KIF6: variants seen among roughly 807,000 people sequenced by gnomAD.
The protein encoded by KIF6 is kinesin family member 6, also known as kinesin-like protein KIF6.
A neutral mutation model predicts 112.7 loss-of-function variants in KIF6; 106 were observed. The ratio of observed to expected loss-of-function variants is 0.94; its 90% CI spans 0.80 to 1.11. KIF6 has a LOEUF of 1.11. KIF6 is among the 50% of genes least tolerant of loss of function. The pLI, the probability that KIF6 is intolerant of heterozygous loss-of-function variation, is 0.00. For missense variants in KIF6, 929 were observed against 964.0 expected, an observed-to-expected ratio of 0.96 and a Z score of 0.48; for synonymous variants, 339 against 339.9, an observed-to-expected ratio of 1.00 and a Z score of 0.03.
chr6:39,683,762 G>A (rs1225764177), intron 3 of KIF6, among the ~76,000 whole-genome samples: 1 of 152,142 alleles, frequency 6.6e-6, no homozygotes, highest in Non-Finnish European at 1.5e-5. Flanking sequence ...AGGATAGTGT[G>A]TATCTGTTTG....
rs776074603 is a variant in KIF6 at position 39,639,624 on chromosome 6, C to A, written c.385G>T (p.Glu129Ter). 12 of 1,585,136 alleles carry A rather than the reference C, an allele frequency of 7.6e-6. No individual in the cohort carries two copies. The highest frequency in any genetic ancestry group is 1.0e-5 in the Non-Finnish European group (12 of 1,168,528). The change falls in exon 4 of 23, where the codon GAA becomes TAA. Residue 129 changes from glutamate to a stop codon, truncating the protein, a stop_gained. Transcript: ENST00000287152. LOFTEE classifies it high-confidence loss of function. ...IIPRTLSYIF[E>*]QLQKDSSKIY... The stretch of plus-strand genomic sequence containing the variant: ...AAGTTTCATACCTTTTGTAACTGTT[C>A]AAAAATGTATGACAGTGTCCTTGGG...
At chr6:39,687,958 G>A (rs950186737) in intron 3 of KIF6, among the ~76,000 whole-genome samples, 1 of 152,220 alleles carries the variant, frequency 6.6e-6, no homozygotes, top group African/African-American at 2.4e-5. Context: ...AAAGATGTGT[G>A]TGTGTATATA....
intron 13 of KIF6, among the ~76,000 whole-genome samples, chr6:39,528,682 G>A (rs1356978709): frequency 6.6e-6 from 1 of 152,000 alleles, no homozygotes; most frequent in Non-Finnish European, 1.5e-5. Flanking sequence ...GGTGTGACTT[G>A]GTATCTTATT....
chr6:39,577,289 C>G (rs1781025657), intron 10 of KIF6, among the ~76,000 whole-genome samples: 1 of 152,150 alleles, frequency 6.6e-6, no homozygotes, highest in Admixed American at 6.5e-5. Flanking sequence ...CTTTTATTCT[C>G]TCTCTAATTT....
rs554822102 is a variant in KIF6 at position 39,554,952 on chromosome 6, G to A, written c.1182-9264C>T. On this transcript the variant is annotated intron_variant, in intron 10 of 22. Coordinates refer to ENST00000287152, the MANE Select transcript of KIF6 (RefSeq NM_145027.6). ...CTATTCTCAGCCTCTGACTGACAGG[G>A]ACATGTCCTGTGTGGCTGAGACACA... 18 of 183,124 alleles carry A rather than the reference G, an allele frequency of 9.8e-5. No homozygotes were observed. In the South Asian group the frequency reaches 1.5e-3, roughly 15 times the overall value. 11.3% of individuals were successfully genotyped at this position (183,124 alleles called of 1,614,324 possible). A position where few individuals can be genotyped will look rare whatever the true frequency, so the allele number is the denominator to read the frequency against.
chr6:39,598,635 G>A (rs771722976), intron 6 of KIF6, among the ~76,000 whole-genome samples: 20 of 151,324 alleles, frequency 1.3e-4, no homozygotes, highest in East Asian at 5.8e-4. Context: ...CTATATATGC[G>A]CAATATGCGA....
intron 10 of KIF6, among the ~76,000 whole-genome samples, chr6:39,571,433 C>T (rs1780632031): frequency 6.6e-6 from 1 of 152,198 alleles, no homozygotes; most frequent in Admixed American, 6.5e-5. Context: ...AGCTGCAACT[C>T]CTGTTTTATT....
chr6:39,567,639 G>A (rs900718898), intron 10 of KIF6, among the ~76,000 whole-genome samples: 10 of 146,798 alleles, frequency 6.8e-5, no homozygotes, highest in African/African-American at 2.3e-4. Context: ...ACGGAGTCTC[G>A]CTCTGTCGCC....
intron 13 of KIF6, among the ~76,000 whole-genome samples, chr6:39,537,321 T>C (rs1045970863): frequency 3.3e-5 from 5 of 152,080 alleles, no homozygotes; most frequent in East Asian, 1.9e-4. Context: ...AAAACCCCAT[T>C]GTCTCAGCCC....
chr6:39,372,979 C>G (rs1766137686), intron 16 of KIF6, among the ~76,000 whole-genome samples: 1 of 152,206 alleles, frequency 6.6e-6, no homozygotes, highest in South Asian at 2.1e-4. Flanking sequence ...TGCAACAGAA[C>G]TGTTCCTAGG....
chr6:39,426,218 G>A (rs1770753790), intron 14 of KIF6, among the ~76,000 whole-genome samples: 1 of 152,180 alleles, frequency 6.6e-6, no homozygotes, highest in Non-Finnish European at 1.5e-5. Flanking sequence ...AGTCATGCCT[G>A]GAAAATGTGA....
intron 16 of KIF6, 27 bp downstream of exon 16, chr6:39,385,595 C>T (rs769990439): frequency 6.3e-7 from 1 of 1,592,408 alleles, no homozygotes; most frequent in South Asian, 1.1e-5. Flanking sequence ...CCTTCATCCT[C>T]TTCCTGCAGA....
At chr6:39,362,060 C>T (rs1342529419) in intron 17 of KIF6, among the ~76,000 whole-genome samples, 3 of 152,132 alleles carry the variant, frequency 2.0e-5, no homozygotes, top group African/African-American at 7.2e-5. Flanking sequence ...TAAGTGAAGT[C>T]GTTTGGAGAC....
rs1198518610 is a variant in KIF6 at position 39,334,834 on chromosome 6, C to T, written c.*1698G>A. The T allele has an allele frequency of 2.0e-5, 3 of 152,054 alleles. No individual in the cohort carries two copies. Among genetic ancestry groups the T allele is most frequent in the African/African-American group, 7.3e-5 (3 of 41,356 alleles). The allele number at this position is 152,054 out of a possible 1,614,324, so 9.4% of individuals were successfully genotyped here. A position where few individuals can be genotyped will look rare whatever the true frequency, so the allele number is the denominator to read the frequency against. ...TGTGTTCCATGGACTCTTGGGGAGG[C>T]TTCTAGAATCAGAATTTGGTCTTCC... On this transcript the variant is annotated 3_prime_UTR_variant, in exon 23 of 23. Transcript: ENST00000287152.
chr6:39,379,406 A>G (rs937712422), intron 16 of KIF6, among the ~76,000 whole-genome samples: 8 of 152,224 alleles, frequency 5.3e-5, no homozygotes, highest in African/African-American at 1.2e-4. Context: ...GACTTGGCCT[A>G]TTTATTGCTT....
At chr6:39,652,680 T>C (rs572946132) in intron 3 of KIF6, among the ~76,000 whole-genome samples, 1 of 152,322 alleles carries the variant, frequency 6.6e-6, no homozygotes, top group South Asian at 2.1e-4. Context: ...TTTAGACATA[T>C]TCTTCCTCTT....
intron 16 of KIF6, among the ~76,000 whole-genome samples, chr6:39,380,803 A>G (rs1766870038): frequency 6.6e-6 from 1 of 152,264 alleles, no homozygotes; most frequent in Admixed American, 6.5e-5. Context: ...ACACAGATAC[A>G]GTGGATACAG....
intron 13 of KIF6, among the ~76,000 whole-genome samples, chr6:39,512,078 G>A (rs531282134): frequency 3.3e-5 from 5 of 152,126 alleles, no homozygotes; most frequent in Non-Finnish European, 5.9e-5. Flanking sequence ...ATGTACCCTA[G>A]AACTTAAAGT....
chr6:39,725,269 G>A lies in KIF6; in HGVS notation c.42C>T (p.Pro14=). 1.2e-6 allele frequency: 2 copies of A among 1,610,458 alleles called. No individual in the cohort carries two copies. The highest frequency in any genetic ancestry group is 2.7e-5 in the African/African-American group (2 of 74,400). Reference sequence around the variant, plus strand: ...CCCCTTGTTGGTGCTTCCGGACAGGGGGCTTCACCCTCGCGAATATCTGGA... The same window carrying A: ...CCCCTTGTTGGTGCTTCCGGACAGGAGGCTTCACCCTCGCGAATATCTGGA... ...QTIQIFARVK[P]PVRKHQQGIY... The change falls in exon 1 of 23, where the codon CCC becomes CCT. Residue 14 remains proline, a synonymous_variant. Transcript: ENST00000287152.
Sources: gnomAD v4.1 joint callset for allele counts (sites outside exome capture counted in the v4.1 genomes callset) on GRCh38, gnomAD v4.1.1 for gene constraint, MANE v1.5 for transcripts, NCBI Gene and HGNC (gene_info 2026-07-23, HGNC 2026-07-21) for gene names.